IP6K2: variants seen among roughly 807,000 people sequenced by gnomAD.
IP6K2 encodes inositol hexakisphosphate kinase 2, also known as ATP:1D-myo-inositol-hexakisphosphate phosphotransferase.
In IP6K2, 9 loss-of-function variants were observed where a neutral mutation model predicts 43.3. That is an observed-to-expected ratio of 0.21 (90% CI 0.13 to 0.36). The LOEUF is 0.36. IP6K2 is among the 10% of genes least tolerant of loss of function. IP6K2 has a pLI of 1.00. For synonymous variants in IP6K2, 209 were observed against 202.4 expected (o/e 1.03, Z -0.28); for missense variants, 332 against 538.4 (o/e 0.62, Z 3.79).
rs750148345 is a variant in IP6K2 at position 48,695,354 on chromosome 3, C to A, written c.-63G>T. 6.5e-7 allele frequency: 1 copy of A among 1,538,602 alleles called. No homozygotes were observed. The highest frequency in any genetic ancestry group is 2.0e-5 in the Admixed American group (1 of 49,502). ...CGGAGTCCAGCGGCCAGTACGTCTT[C>A]TGTCTGTTGTTTGTCCGTGTGTCCC... is the stretch of plus-strand genomic sequence containing the variant. On this transcript the variant is annotated 5_prime_UTR_variant, in exon 2 of 6. Transcript: ENST00000328631. This position sits in a 1 kb window ranked among gnomAD's most constrained non-coding sequence, Gnocchi z 4.6.
intron 4 of IP6K2, among the ~76,000 whole-genome samples, chr3:48,690,938 C>A (rs1202462074): frequency 6.6e-6 from 1 of 152,162 alleles, no homozygotes; most frequent in Non-Finnish European, 1.5e-5. Context: ...AACACCCCAG[C>A]CCTTGGCAGG....
At position 48,688,362 on chromosome 3, in the gene IP6K2, C is replaced by T. The variant is rs759575244; in HGVS notation, c.1192G>A (p.Val398Met). Residue 398 changes from valine to methionine, a missense_variant, in exon 6 of 6, where the codon GTG (valine) becomes ATG (methionine). Transcript: ENST00000328631. The surrounding 1 kb of genome is among the most constrained non-coding windows in gnomAD (Gnocchi z 5.1). ...TAGCCAGCATCCTGGCCCTCATGCA[C>T]CACGGTGTCCTCGCCATACAGCCTG... ...TCRLYGEDTVVHEGQDAGYIF... is the reference protein window; with the variant it reads ...TCRLYGEDTVMHEGQDAGYIF... 1.2e-6 allele frequency: 2 copies of T among 1,614,236 alleles called. No individual in the cohort carries two copies. The highest frequency in any genetic ancestry group is 1.7e-6 in the Non-Finnish European group (2 of 1,180,040).
intron 4 of IP6K2, among the ~76,000 whole-genome samples, chr3:48,690,886 G>A (rs534952725): frequency 1.5e-4 from 23 of 152,142 alleles, no homozygotes; most frequent in African/African-American, 5.1e-4. Flanking sequence ...TCCCAGTGGT[G>A]GTCTGGTGAA....
rs1575812118 is a variant in IP6K2, at chr3:48,717,174, T to G, written c.-148A>C. ...AGCTTTACCTGCCGCCTCAGCCGGG[T>G]TCCTCGGCGTTTCCGTCCTATTGTT... On this transcript the variant is annotated 5_prime_UTR_variant, in exon 1 of 6. Coordinates refer to ENST00000328631, the MANE Select transcript of IP6K2 (RefSeq NM_016291.4). 1 of 154,900 alleles carries G rather than the reference T, an allele frequency of 6.5e-6. No individual in the cohort carries two copies. The highest frequency in any genetic ancestry group is 6.5e-5 in the Admixed American group (1 of 15,300). 9.6% of individuals were successfully genotyped at this position (154,900 alleles called of 1,614,324 possible).
chr3:48,713,770 G>A (rs1482958014), intron 1 of IP6K2, among the ~76,000 whole-genome samples: 9 of 147,454 alleles, frequency 6.1e-5, no homozygotes, highest in African/African-American at 2.0e-4. Context: ...CAGCCTGGGT[G>A]ACAGAGTGAC....
chr3:48,698,093 G>T (rs1363728405), intron 1 of IP6K2, among the ~76,000 whole-genome samples: 1 of 152,164 alleles, frequency 6.6e-6, no homozygotes, highest in East Asian at 1.9e-4. Context: ...ACAGGCAATG[G>T]AACTGTAAAT....
chr3:48,697,868 C>T (rs1158613995), intron 1 of IP6K2, among the ~76,000 whole-genome samples: 1 of 152,110 alleles, frequency 6.6e-6, no homozygotes, highest in African/African-American at 2.4e-5. Flanking sequence ...ATAAAGCAGC[C>T]TCTTTTAAAG....
intron 1 of IP6K2, among the ~76,000 whole-genome samples, chr3:48,697,703 G>C (rs2078552420): frequency 6.6e-6 from 1 of 151,644 alleles, no homozygotes. Flanking sequence ...AAAGTCAACA[G>C]GGTCTCACTC....
chr3:48,694,013 CCTCCCAG>C, intron 2 of IP6K2: 52 of 1,391,538 alleles, frequency 3.7e-5, no homozygotes, highest in Admixed American at 2.4e-4. Context: ...GAACACCTTT[CCTCCCAG>C]GCCTCTCTGC....
At chr3:48,710,972 A>T (rs2080441786) in intron 1 of IP6K2, among the ~76,000 whole-genome samples, 1 of 152,060 alleles carries the variant, frequency 6.6e-6, no homozygotes, top group African/African-American at 2.4e-5. Flanking sequence ...CAGTTGGTGT[A>T]ATCACAGCTC....
chr3:48,701,903 A>G (rs748324464), intron 1 of IP6K2, among the ~76,000 whole-genome samples: 1 of 152,018 alleles, frequency 6.6e-6, no homozygotes, highest in Non-Finnish European at 1.5e-5. Context: ...GTCTAAAAAA[A>G]TAAATAAATA....
rs752626041 is a variant in IP6K2 at position 48,695,256 on chromosome 3, G to A, written c.36C>T (p.Pro12=). 1.3e-6 allele frequency: 2 copies of A among 1,586,358 alleles called. No homozygotes were observed. Among genetic ancestry groups the A allele is most frequent in the South Asian group, 2.2e-5 (2 of 88,916 alleles). Residue 12 remains proline, a synonymous_variant, in exon 2 of 6, where the codon CCC becomes CCT. Coordinates refer to ENST00000328631, the MANE Select transcript of IP6K2 (RefSeq NM_016291.4). The surrounding 1 kb of genome is among the most constrained non-coding windows in gnomAD (Gnocchi z 4.6). Reference sequence around the variant, plus strand: ...GCTCCAGAAGGACGCCTTTGGCGCGGGGCTCCACATCCATGGCCCTGAAGG... The same window carrying A: ...GCTCCAGAAGGACGCCTTTGGCGCGAGGCTCCACATCCATGGCCCTGAAGG... ...SPAFRAMDVE[P]RAKGVLLEPF... is the part of the protein sequence containing the mutation.
chr3:48,694,534 T>C, intron 2 of IP6K2: 1 of 1,523,208 alleles, frequency 6.6e-7, no homozygotes, highest in Non-Finnish European at 8.8e-7. Context: ...CCCTATAAAA[T>C]ACATTATAAA....
At chr3:48,701,013 A>T in intron 1 of IP6K2, among the ~76,000 whole-genome samples, 1 of 152,244 alleles carries the variant, frequency 6.6e-6, no homozygotes, top group Non-Finnish European at 1.5e-5. Context: ...GCAGTTTCTT[A>T]TAAAGTTAAA....
chr3:48,698,321 C>T (rs930609267), intron 1 of IP6K2, among the ~76,000 whole-genome samples: 1 of 152,176 alleles, frequency 6.6e-6, no homozygotes, highest in African/African-American at 2.4e-5. Context: ...ATTGTTAAAG[C>T]ACAAGATGCT....
chr3:48,716,337 C>A (rs1348935623), intron 1 of IP6K2: 1 of 152,130 alleles, frequency 6.6e-6, no homozygotes, highest in Non-Finnish European at 1.5e-5. Flanking sequence ...CATTCTGCTA[C>A]GGAAATGTTT....
At chr3:48,709,768 C>T (rs753778304) in intron 1 of IP6K2, among the ~76,000 whole-genome samples, 3 of 150,828 alleles carry the variant, frequency 2.0e-5, no homozygotes, top group Non-Finnish European at 4.4e-5. Context: ...ACCTAGGAGG[C>T]GGAGCTTGCA....
Position 48,695,979 on chromosome 3 carries a change from G to A in IP6K2, c.-130-558C>T, listed in dbSNP as rs967432140. ...GACTCACTGCAACCTCCGCCTCTCA[G>A]GGTTCAAGCCATTTTCCTGCCTCAG... On this transcript the variant is annotated intron_variant, in intron 1 of 5. Transcript: ENST00000328631. The surrounding 1 kb of genome is among the most constrained non-coding windows in gnomAD (Gnocchi z 4.6). Among the ~76,000 whole-genome samples, 2 of 151,304 alleles carry A rather than the reference G, an allele frequency of 1.3e-5. No homozygotes were observed. Among genetic ancestry groups the A allele is most frequent in the Admixed American group, 6.6e-5 (1 of 15,140 alleles).
chr3:48,711,648 T>A (rs1333440915), intron 1 of IP6K2, among the ~76,000 whole-genome samples: 4 of 152,218 alleles, frequency 2.6e-5, no homozygotes, highest in Non-Finnish European at 1.5e-5. Context: ...CTTCCATTCA[T>A]AATAGATGAA....
Sources: allele counts gnomAD v4.1 joint callset (sites outside exome capture counted in the v4.1 genomes callset), GRCh38; gene constraint gnomAD v4.1.1; non-coding constraint Gnocchi (gnomAD v3.1); transcripts MANE v1.5; gene names NCBI Gene and HGNC (gene_info 2026-07-23, HGNC 2026-07-21).